MBOAT2: variants seen among roughly 807,000 people sequenced by gnomAD.
The protein encoded by MBOAT2 is membrane-bound glycerophospholipid O-acyltransferase 2.
Under a neutral mutation model 63.4 loss-of-function variants are expected in MBOAT2, and 28 were observed. That is an observed-to-expected ratio of 0.44 (90% confidence interval 0.33 to 0.61). MBOAT2 has a LOEUF of 0.61. Ranked by LOEUF, MBOAT2 falls within the 20% of genes least tolerant of loss-of-function variation. MBOAT2 has a pLI of 0.03. For synonymous variants in MBOAT2, 211 were observed against 215.6 expected, an observed-to-expected ratio of 0.98 and a Z score of 0.19; for missense variants, 470 against 605.8, an observed-to-expected ratio of 0.78 and a Z score of 2.35.
At chr2:8,991,845 G>A (rs929086066) in intron 1 of MBOAT2, among the ~76,000 whole-genome samples, 1 of 152,162 alleles carries the variant, frequency 6.6e-6, no homozygotes, top group African/African-American at 2.4e-5. Context: ...AGCACCAAGC[G>A]AACATTCCTT....
chr2:8,921,489 A>G lies in MBOAT2; in HGVS notation c.300-12773T>C, dbSNP rs80171429. On this transcript the variant is annotated intron_variant, in intron 3 of 12. Transcript: ENST00000305997. Reference sequence around the variant, plus strand: ...GGTCCTTTAAAAATTAAGAAAAGAGACATGTATATAGACTTCCATATTTAC... The same window carrying G: ...GGTCCTTTAAAAATTAAGAAAAGAGGCATGTATATAGACTTCCATATTTAC... Among the ~76,000 whole-genome samples the G allele has an allele frequency of 5.9e-3, 906 of 152,296 alleles. 9 individuals carry two copies. Among genetic ancestry groups the G allele is most frequent in the African/African-American group, 0.021 (860 of 41,560 alleles).
chr2:8,861,834 C>T (rs939697114), intron 11 of MBOAT2, among the ~76,000 whole-genome samples: 1 of 152,144 alleles, frequency 6.6e-6, no homozygotes, highest in Non-Finnish European at 1.5e-5. Flanking sequence ...ACATATACAC[C>T]TTATCCCAAA....
At chr2:8,965,803 G>A (rs10194438) in intron 1 of MBOAT2, among the ~76,000 whole-genome samples, 3,063 of 152,122 alleles carry the variant, frequency 0.02, 34 homozygotes, top group Middle Eastern at 0.037. Context: ...ACTGCCACAC[G>A]TGCCCAACAA....
chr2:9,002,542 C>T (rs936955902), intron 1 of MBOAT2, among the ~76,000 whole-genome samples: 14 of 152,198 alleles, frequency 9.2e-5, no homozygotes, highest in African/African-American at 3.4e-4. Context: ...CTTGAAATAA[C>T]TGTAAGCAAA....
intron 6 of MBOAT2, among the ~76,000 whole-genome samples, chr2:8,877,992 T>C (rs1328946396): frequency 6.6e-6 from 1 of 152,044 alleles, no homozygotes; most frequent in East Asian, 1.9e-4. Context: ...CTGACTGAAA[T>C]GAAAAAACAC....
intron 7 of MBOAT2, among the ~76,000 whole-genome samples, chr2:8,875,264 G>A (rs1430973991): frequency 1.3e-5 from 2 of 152,068 alleles, no homozygotes; most frequent in African/African-American, 2.4e-5. Flanking sequence ...GTATATGCAC[G>A]TGAAATTTAA....
chr2:8,980,310 C>T (rs368264416), intron 1 of MBOAT2, among the ~76,000 whole-genome samples: 3 of 152,136 alleles, frequency 2.0e-5, no homozygotes, highest in Non-Finnish European at 4.4e-5. Context: ...CTGACAACAG[C>T]GGATCTGAGG....
At chr2:8,869,499 GA>G (rs1467057370) in intron 8 of MBOAT2, among the ~76,000 whole-genome samples, 1 of 152,062 alleles carries the variant, frequency 6.6e-6, no homozygotes, top group African/African-American at 2.4e-5. Context: ...CATGACCAAA[GA>G]AAAAACAAAC....
intron 8 of MBOAT2, among the ~76,000 whole-genome samples, chr2:8,871,701 A>T (rs1460015833): frequency 6.6e-6 from 1 of 152,122 alleles, no homozygotes; most frequent in African/African-American, 2.4e-5. Flanking sequence ...ACTTTTAATG[A>T]TGCTATTGTG....
intron 3 of MBOAT2, among the ~76,000 whole-genome samples, chr2:8,935,663 A>G (rs1667608628): frequency 1.3e-5 from 2 of 152,254 alleles, no homozygotes; most frequent in South Asian, 2.1e-4. Flanking sequence ...ATGTGCCCAC[A>G]ATATGAAGCA....
chr2:8,930,218 G>T (rs1485374771), intron 3 of MBOAT2, among the ~76,000 whole-genome samples: 1 of 152,136 alleles, frequency 6.6e-6, no homozygotes. Context: ...TCTCACTCTG[G>T]TAACATCTTC....
chr2:8,977,299 T>C lies in MBOAT2; in HGVS notation c.76-18657A>G, dbSNP rs112884552. ...AACCTTGCAATGTGATTGAGATTAC[T>C]TTCCCTCTCAGAAGGGTATTTCATT... On this transcript the variant is annotated intron_variant, in intron 1 of 12. Coordinates refer to ENST00000305997, the MANE Select transcript of MBOAT2 (RefSeq NM_138799.4). 5.0e-3 allele frequency among the ~76,000 whole-genome samples: 757 copies of C among 152,274 alleles called. 9 individuals are homozygous for C. The highest frequency in any genetic ancestry group is 0.02 in the South Asian group (97 of 4,824).
chr2:8,952,618 T>C (rs1668911732), intron 2 of MBOAT2, among the ~76,000 whole-genome samples: 1 of 152,230 alleles, frequency 6.6e-6, no homozygotes. Flanking sequence ...ATGTACACAC[T>C]AGGATAGTTA....
At chr2:8,997,977 A>G (rs1298375296) in intron 1 of MBOAT2, among the ~76,000 whole-genome samples, 1 of 152,210 alleles carries the variant, frequency 6.6e-6, no homozygotes, top group African/African-American at 2.4e-5. Flanking sequence ...TCTCTTTACT[A>G]TTGAAAACAT....
At chr2:8,881,560 T>C (rs1325820400) in intron 6 of MBOAT2, among the ~76,000 whole-genome samples, 1 of 152,164 alleles carries the variant, frequency 6.6e-6, no homozygotes, top group Non-Finnish European at 1.5e-5. Flanking sequence ...GCTCTCGATG[T>C]GAGAGGCACA....
At chr2:9,001,914 G>T (rs1337575110) in intron 1 of MBOAT2, among the ~76,000 whole-genome samples, 1 of 152,172 alleles carries the variant, frequency 6.6e-6, no homozygotes, top group African/African-American at 2.4e-5. Flanking sequence ...CTCTCTGAAA[G>T]AAATGTAAAT....
intron 4 of MBOAT2, among the ~76,000 whole-genome samples, chr2:8,903,947 A>G (rs1047571105): frequency 6.6e-5 from 10 of 152,080 alleles, no homozygotes; most frequent in Admixed American, 2.0e-4. Flanking sequence ...CAACAGATTA[A>G]CTTGGGGGAA....
intron 3 of MBOAT2, among the ~76,000 whole-genome samples, chr2:8,912,385 A>AAGAAAGAGAAAGAAAGAAAGAAAG (rs765729564): frequency 1.4e-5 from 2 of 142,804 alleles, no homozygotes; most frequent in African/African-American, 5.4e-5. Context: ...GAAAGAAAGA[A>AAGAAAGAGAAAGAAAGAAAGAAAG]AGAAAGAAAG....
intron 3 of MBOAT2, among the ~76,000 whole-genome samples, chr2:8,928,241 A>G (rs951368307): frequency 2.6e-5 from 4 of 152,160 alleles, no homozygotes; most frequent in Non-Finnish European, 5.9e-5. Flanking sequence ...GATCCAAACC[A>G]TATCAGTAAG....
Sources: allele counts gnomAD v4.1 joint callset (sites outside exome capture counted in the v4.1 genomes callset), GRCh38; gene constraint gnomAD v4.1.1; transcripts MANE v1.5; gene names NCBI Gene and HGNC (gene_info 2026-07-23, HGNC 2026-07-21).